Variants in LIPI observed in about 807,000 individuals in gnomAD.
The protein encoded by LIPI is lipase member I.
LIPI carries 59 observed loss-of-function variants against 50.6 expected under a neutral mutation model. The ratio of observed to expected loss-of-function variants is 1.16; its 90% confidence interval spans 0.94 to 1.45. LIPI has a LOEUF of 1.45. LIPI is among the 40% of genes most tolerant of loss of function. The pLI is 0.00. For missense variants in LIPI, 586 were observed against 536.3 expected, an observed-to-expected ratio of 1.09 and a Z score of -0.92; for synonymous variants, 203 against 178.2, an observed-to-expected ratio of 1.14 and a Z score of -1.11.
intron 9 of LIPI, among the ~76,000 whole-genome samples, chr21:14,112,886 G>A (rs2016472245): frequency 6.6e-6 from 1 of 152,030 alleles, no homozygotes; most frequent in South Asian, 2.1e-4. Flanking sequence ...CTTTTAAAAT[G>A]TTACTTGGAT....
chr21:14,117,215 C>T (rs2016680865), intron 9 of LIPI, among the ~76,000 whole-genome samples: 1 of 152,210 alleles, frequency 6.6e-6, no homozygotes, highest in South Asian at 2.1e-4. Context: ...ATAAGCCCTT[C>T]TCTACTACAG....
At chr21:14,154,210 A>T (rs1042575712) in intron 7 of LIPI, among the ~76,000 whole-genome samples, 3 of 152,130 alleles carry the variant, frequency 2.0e-5, no homozygotes, top group African/African-American at 7.2e-5. Flanking sequence ...ATGAAATGAT[A>T]GATTATCTTC....
chr21:14,191,362 G>A (rs1600923703), intron 1 of LIPI, among the ~76,000 whole-genome samples: 1 of 123,456 alleles, frequency 8.1e-6, no homozygotes, highest in East Asian at 2.2e-4. Flanking sequence ...GGGCGACAGA[G>A]CAAGACTCCG....
chr21:14,147,329 G>T (rs892498241), intron 8 of LIPI, among the ~76,000 whole-genome samples: 3 of 152,002 alleles, frequency 2.0e-5, no homozygotes, highest in Non-Finnish European at 4.4e-5. Flanking sequence ...TTTATGAACA[G>T]ATTTTACTTA....
At chr21:14,197,582 G>A (rs1276942492) in intron 1 of LIPI, among the ~76,000 whole-genome samples, 1 of 151,910 alleles carries the variant, frequency 6.6e-6, no homozygotes, top group East Asian at 1.9e-4. Context: ...AGAATGAAAA[G>A]GAAGAACAAA....
chr21:14,192,509 A>G (rs576272271), intron 1 of LIPI, among the ~76,000 whole-genome samples: 2 of 152,234 alleles, frequency 1.3e-5, no homozygotes, highest in South Asian at 2.1e-4. Context: ...CAGTTATCAA[A>G]TGACACACAA....
intron 9 of LIPI, among the ~76,000 whole-genome samples, chr21:14,135,523 G>A (rs1339667111): frequency 6.6e-6 from 1 of 152,114 alleles, no homozygotes; most frequent in Non-Finnish European, 1.5e-5. Context: ...GCAATTGAGA[G>A]GCATTGAATT....
chr21:14,181,142 G>A (rs919974266), intron 4 of LIPI, among the ~76,000 whole-genome samples: 1 of 152,082 alleles, frequency 6.6e-6, no homozygotes, highest in Non-Finnish European at 1.5e-5. Flanking sequence ...ACTGCCTAAT[G>A]TATAGGAAGT....
At chr21:14,197,902 T>C (rs2019917436) in intron 1 of LIPI, among the ~76,000 whole-genome samples, 1 of 151,670 alleles carries the variant, frequency 6.6e-6, no homozygotes, top group Non-Finnish European at 1.5e-5. Context: ...AGGGGAGCCA[T>C]CAGACTAACA....
At chr21:14,184,609 T>C (rs1440981899) in intron 3 of LIPI, among the ~76,000 whole-genome samples, 1 of 152,206 alleles carries the variant, frequency 6.6e-6, no homozygotes, top group Non-Finnish European at 1.5e-5. Flanking sequence ...TGAGACAGAA[T>C]CATCTATCTT....
chr21:14,201,478 T>G (rs764232002), intron 1 of LIPI, among the ~76,000 whole-genome samples: 1 of 151,994 alleles, frequency 6.6e-6, no homozygotes, highest in African/African-American at 2.4e-5. Context: ...ATCAAGAAGC[T>G]TATCCACCAT....
At chr21:14,136,260 G>A (rs921606753) in intron 9 of LIPI, among the ~76,000 whole-genome samples, 1 of 152,150 alleles carries the variant, frequency 6.6e-6, no homozygotes, top group African/African-American at 2.4e-5. Flanking sequence ...CACCAAGTGG[G>A]CTCGTGGGGT....
chr21:14,134,001 G>A (rs568951306), intron 9 of LIPI, among the ~76,000 whole-genome samples: 7 of 152,224 alleles, frequency 4.6e-5, no homozygotes, highest in African/African-American at 1.7e-4. Flanking sequence ...TGAAGCTGGA[G>A]GATTGCTTGA....
At chr21:14,171,039 G>A (rs1318448788) in intron 4 of LIPI, among the ~76,000 whole-genome samples, 36 of 150,148 alleles carry the variant, frequency 2.4e-4, no homozygotes, top group African/African-American at 8.3e-4. Context: ...AAATCAATGT[G>A]CAAAAATCAC....
intron 1 of LIPI, among the ~76,000 whole-genome samples, chr21:14,208,879 C>T (rs922985337): frequency 6.6e-6 from 1 of 152,132 alleles, no homozygotes; most frequent in Non-Finnish European, 1.5e-5. Flanking sequence ...TAGTGAAACG[C>T]TGTCTCTCCA....
At chr21:14,168,538 G>A (rs1165611493) in intron 4 of LIPI, among the ~76,000 whole-genome samples, 1 of 152,242 alleles carries the variant, frequency 6.6e-6, no homozygotes, top group Non-Finnish European at 1.5e-5. Context: ...CTACAAGCCA[G>A]GAGAGAGTGG....
At chr21:14,133,827 A>G (rs564604899) in intron 9 of LIPI, among the ~76,000 whole-genome samples, 91 of 152,352 alleles carry the variant, frequency 6.0e-4, no homozygotes, top group African/African-American at 2.2e-3. Context: ...GTTTCTATAC[A>G]TCAATAATGA....
At chr21:14,110,562 ATC>A (rs1328183658) in intron 9 of LIPI, among the ~76,000 whole-genome samples, 1 of 151,922 alleles carries the variant, frequency 6.6e-6, no homozygotes, top group Non-Finnish European at 1.5e-5. Flanking sequence ...TGCACAATAA[ATC>A]TCTTGAACTC....
intron 9 of LIPI, among the ~76,000 whole-genome samples, chr21:14,114,287 C>A (rs970668508): frequency 6.6e-6 from 1 of 152,122 alleles, no homozygotes; most frequent in Non-Finnish European, 1.5e-5. Context: ...AGGTCCCTCT[C>A]ATGACATGTG....
Sources: allele counts gnomAD v4.1 joint callset (sites outside exome capture counted in the v4.1 genomes callset), GRCh38; gene constraint gnomAD v4.1.1; transcripts MANE v1.5; gene names NCBI Gene and HGNC (gene_info 2026-07-23, HGNC 2026-07-21).